Variants in ABHD2 observed in about 807,000 individuals in gnomAD.
ABHD2 encodes monoacylglycerol lipase ABHD2.
ABHD2 carries 20 observed loss-of-function variants against 48.1 expected under a neutral mutation model. That is an observed-to-expected ratio of 0.42 (90% CI 0.29 to 0.60). The LOEUF is 0.60. Among genes scored for constraint, ABHD2 ranks in the 20% least tolerant of loss-of-function variants. ABHD2 has a pLI of 0.24. For missense variants in ABHD2, 405 were observed against 550.9 expected (o/e 0.74, Z 2.65); for synonymous variants, 209 against 214.2 (o/e 0.98, Z 0.21).
At chr15:89,124,478 A>G (rs550336474) in intron 3 of ABHD2, among the ~76,000 whole-genome samples, 2 of 152,370 alleles carry the variant, frequency 1.3e-5, no homozygotes, top group African/African-American at 4.8e-5. Flanking sequence ...AGCAAGTTAA[A>G]GCTGAAAAGA....
intron 1 of ABHD2, among the ~76,000 whole-genome samples, chr15:89,095,064 A>AG (rs2049591876): frequency 9.3e-6 from 1 of 107,722 alleles, no homozygotes; most frequent in African/African-American, 6.6e-5. Context: ...ACTGTGTCTC[A>AG]AAAAAAAAAA....
chr15:89,135,926 C>G (rs1286461657), intron 3 of ABHD2: 3 of 430,492 alleles, frequency 7.0e-6, no homozygotes, highest in Non-Finnish European at 1.3e-5. Flanking sequence ...GATCCTTTAA[C>G]TTTTTTTTTT....
the ABHD2 span, among the ~76,000 whole-genome samples, chr15:89,060,134 A>G: frequency 1.7e-5 from 2 of 119,928 alleles, no homozygotes; most frequent in Admixed American, 2.3e-4. Flanking sequence ...CTTGTTGCCC[A>G]GGCTGGAGTG....
chr15:89,178,397 A>G (rs1402341296), intron 6 of ABHD2, among the ~76,000 whole-genome samples: 1 of 152,216 alleles, frequency 6.6e-6, no homozygotes, highest in Admixed American at 6.5e-5. Context: ...TGGCAGCTGC[A>G]TAAGTGCTTC....
At position 89,201,616 on chromosome 15, in the gene ABHD2, G is replaced by A. The variant is rs2051466069; in HGVS notation, c.*6193G>A. The A allele has an allele frequency of 1.3e-6, 2 of 1,591,832 alleles. No individual in the cohort carries two copies. The highest frequency in any genetic ancestry group is 1.3e-5 in the African/African-American group (1 of 74,440). On this transcript the variant is annotated 3_prime_UTR_variant, in exon 11 of 11. Transcript: ENST00000352732. ...CCTGGGTCAATAATTCCACTGTTGG[G>A]CCTCACACAGTACCGGTGAGGCACG...
chr15:89,061,465 C>G, the ABHD2 span, among the ~76,000 whole-genome samples: 1 of 152,194 alleles, frequency 6.6e-6, no homozygotes, highest in African/African-American at 2.4e-5. Flanking sequence ...ACAATGTTCA[C>G]TATTTGGGTG....
chr15:89,053,828 C>T, the ABHD2 span, among the ~76,000 whole-genome samples: 3 of 152,322 alleles, frequency 2.0e-5, no homozygotes, highest in South Asian at 6.2e-4. Flanking sequence ...CACATCTTTG[C>T]TTCTAGCGGC....
Position 89,116,498 on chromosome 15 carries a change from G to A in ABHD2, c.171G>A (p.Lys57=). ...QDSGLSRFLL[K]SCPLLTKEYI... ...CGGGGCTCTCACGCTTTCTGCTCAA[G>A]TCCTGTCCTCTTCTGACCAAAGAGT... Residue 57 remains lysine (K), a synonymous_variant, in exon 3 of 11, where the codon AAG becomes AAA. Transcript: ENST00000352732. This position sits in a 1 kb window ranked among gnomAD's most constrained non-coding sequence, Gnocchi z 4.6. 1 of 1,614,100 alleles carries A rather than the reference G, an allele frequency of 6.2e-7. No homozygotes were observed. Among genetic ancestry groups the A allele is most frequent in the Non-Finnish European group, 8.5e-7 (1 of 1,179,968 alleles).
Position 89,120,416 on chromosome 15 carries a change from G to A in ABHD2, c.194+3895G>A, listed in dbSNP as rs1262081281. Among the ~76,000 whole-genome samples, 3 of 151,902 alleles carry A rather than the reference G, an allele frequency of 2.0e-5. No homozygotes were observed. The highest frequency in any genetic ancestry group is 4.8e-5 in the African/African-American group (2 of 41,344). ...TTTTTTTTTCAATAAAAACTTTGAT[G>A]CATATTCATTTTTTTAAATGGAAAA... On this transcript the variant is annotated intron_variant, in intron 3 of 10. Coordinates refer to ENST00000352732, the MANE Select transcript of ABHD2 (RefSeq NM_152924.5). The surrounding 1 kb of genome is among the most constrained non-coding windows in gnomAD (Gnocchi z 4.2).
chr15:89,123,000 G>T (rs1029547909), intron 3 of ABHD2, among the ~76,000 whole-genome samples: 1 of 152,158 alleles, frequency 6.6e-6, no homozygotes, highest in Non-Finnish European at 1.5e-5. Flanking sequence ...CATGTATGTG[G>T]GTACTTTCTT....
At chr15:89,060,468 C>G in the ABHD2 span, among the ~76,000 whole-genome samples, 20 of 152,098 alleles carry the variant, frequency 1.3e-4, 1 homozygote, top group East Asian at 3.5e-3. Context: ...TAGAGCTTTA[C>G]CATGAAGAAC....
the ABHD2 span, among the ~76,000 whole-genome samples, chr15:89,051,905 G>C: frequency 2.7e-4 from 41 of 152,284 alleles, 1 homozygote; most frequent in South Asian, 7.7e-3. Context: ...ATATAGGGGA[G>C]GTGGGAGGTG....
chr15:89,108,854 C>T (rs2049828622), intron 1 of ABHD2, among the ~76,000 whole-genome samples: 1 of 152,218 alleles, frequency 6.6e-6, no homozygotes, highest in Admixed American at 6.5e-5. Flanking sequence ...TTTTCTGTTA[C>T]AAAGTACAGC....
intron 3 of ABHD2, chr15:89,136,405 G>A: frequency 2.0e-6 from 1 of 508,200 alleles, no homozygotes; most frequent in Non-Finnish European, 3.8e-6. Flanking sequence ...GCATCTGGAT[G>A]TTTGTTCTTA....
rs112463365 is a variant in ABHD2, at chr15:89,168,575, A to G, written c.539-7237A>G. Among the ~76,000 whole-genome samples, 1 of 152,210 alleles carries G rather than the reference A, an allele frequency of 6.6e-6. No homozygotes were observed. The highest frequency in any genetic ancestry group is 2.4e-5 in the African/African-American group (1 of 41,458). ...CAGAACATCCAGCAGTCTGTCTGAC[A>G]TCAGGCAGGGTTGGCCCTTTATCCA... On this transcript the variant is annotated intron_variant, in intron 5 of 10. Transcript: ENST00000352732. This position sits in a 1 kb window ranked among gnomAD's most constrained non-coding sequence, Gnocchi z 4.8.
Position 89,188,096 on chromosome 15 carries a change from G to A in ABHD2, c.816-97G>A, listed in dbSNP as rs1016520519. ...GTTCTATTTCTAACTGACCACGTTG[G>A]CTCTCCCTCCTGGCTTGCTGTGGCA... On this transcript the variant is annotated intron_variant, in intron 7 of 10. Coordinates refer to ENST00000352732, the MANE Select transcript of ABHD2 (RefSeq NM_152924.5). This position sits in a 1 kb window ranked among gnomAD's most constrained non-coding sequence, Gnocchi z 4.1. The A allele has an allele frequency of 3.3e-5, 32 of 962,212 alleles. No homozygotes were observed. Among genetic ancestry groups the A allele is most frequent in the Non-Finnish European group, 4.9e-5 (30 of 608,814 alleles). 59.6% of individuals were successfully genotyped at this position (962,212 alleles called of 1,614,324 possible).
chr15:89,172,034 A>T (rs576207191), intron 5 of ABHD2, among the ~76,000 whole-genome samples: 10,494 of 134,198 alleles, frequency 0.078, 886 homozygotes, highest in African/African-American at 0.24. Flanking sequence ...CTTTTTTTTT[A>T]AAAAAAATCC....
intron 1 of ABHD2, among the ~76,000 whole-genome samples, chr15:89,112,676 T>G (rs1263024734): frequency 6.6e-6 from 1 of 152,258 alleles, no homozygotes; most frequent in Non-Finnish European, 1.5e-5. Context: ...CTCTGCTGTT[T>G]ACAGCTGTCT....
At position 89,179,339 on chromosome 15, in the gene ABHD2, T is replaced by A. The variant is rs1169733660; in HGVS notation, c.722+3344T>A. Among the ~76,000 whole-genome samples the A allele has an allele frequency of 6.6e-6, 1 of 152,192 alleles. No homozygotes were observed. Among genetic ancestry groups the A allele is most frequent in the East Asian group, 1.9e-4 (1 of 5,196 alleles). ...TGGGTGAACCTTCATCTGTATTTAG[T>A]CTCATTCCCCATTGATCACATTACT... On this transcript the variant is annotated intron_variant, in intron 6 of 10. Transcript: ENST00000352732. This position sits in a 1 kb window ranked among gnomAD's most constrained non-coding sequence, Gnocchi z 4.3.
Sources: gnomAD v4.1 joint callset for allele counts (sites outside exome capture counted in the v4.1 genomes callset) on GRCh38, gnomAD v4.1.1 for gene constraint, Gnocchi (gnomAD v3.1) non-coding constraint, MANE v1.5 for transcripts, NCBI Gene and HGNC (gene_info 2026-07-23, HGNC 2026-07-21) for gene names.